CCDC7: variants seen among roughly 807,000 people sequenced by gnomAD.
CCDC7 encodes the protein coiled-coil domain-containing protein 7.
In CCDC7, 183 loss-of-function variants were observed where a neutral mutation model predicts 196.9. The ratio of observed to expected loss-of-function variants is 0.93; its 90% CI spans 0.82 to 1.05. The LOEUF (loss-of-function observed/expected upper bound fraction) is 1.05, where lower values mean the gene tolerates loss of function less well. Among genes scored for constraint, CCDC7 ranks in the 50% least tolerant of loss-of-function variants. The pLI, the probability that CCDC7 is intolerant of heterozygous loss-of-function variation, is 0.00. For missense variants in CCDC7, 1,540 were observed against 1,482.2 expected (o/e 1.04, Z -0.64); for synonymous variants, 525 against 484.6 (o/e 1.08, Z -1.10).
In CCDC7 at chr10:32,814,435, C is replaced by T. The variant is rs140481991; in HGVS notation, c.3163C>T (p.Arg1055Ter). The T allele has an allele frequency of 7.6e-5, 123 of 1,609,958 alleles. No homozygotes were observed. The highest frequency in any genetic ancestry group is 1.6e-4 in the Middle Eastern group (1 of 6,078). The change falls in exon 31 of 42, where the codon CGA (arginine) becomes TGA (stop). Residue 1055 changes from arginine to a stop codon, truncating the protein, a stop_gained. Coordinates refer to ENST00000639629, the Ensembl canonical transcript of CCDC7. LOFTEE classifies it high-confidence loss of function. ...TATACTAAAGGATGAATTCAAGACA[C>T]GATCAAAGAGTCTCCCTGGTAAGAA...
intron 20 of CCDC7, among the ~76,000 whole-genome samples, chr10:32,638,499 T>A (rs1362121862): frequency 1.3e-5 from 2 of 152,236 alleles, no homozygotes; most frequent in Non-Finnish European, 2.9e-5. Flanking sequence ...ATGTGGTTTT[T>A]GTCTTTGGTT....
intron 11 of CCDC7, among the ~76,000 whole-genome samples, chr10:32,520,400 T>C (rs964960962): frequency 6.6e-6 from 1 of 152,138 alleles, no homozygotes; most frequent in Admixed American, 6.6e-5. Flanking sequence ...GGCTCTTGAA[T>C]AAAAGTCATT....
upstream of CCDC7, among the ~76,000 whole-genome samples, chr10:32,444,872 T>A (rs1157772126): frequency 6.6e-6 from 1 of 151,300 alleles, no homozygotes; most frequent in Non-Finnish European, 1.5e-5. Context: ...TTTTCTTTTT[T>A]AGATGGAGTC....
intron 2 of CCDC7, among the ~76,000 whole-genome samples, chr10:32,454,521 G>C (rs1451910640): frequency 6.6e-6 from 1 of 151,394 alleles, no homozygotes; most frequent in African/African-American, 2.4e-5. Flanking sequence ...TCAGCATCAC[G>C]CAGTATATCC....
At chr10:32,815,865 G>C (rs1335237183) in intron 31 of CCDC7, among the ~76,000 whole-genome samples, 1 of 152,200 alleles carries the variant, frequency 6.6e-6, no homozygotes, top group Admixed American at 6.5e-5. Flanking sequence ...TGAAAGAGCG[G>C]TGGAGCCAAG....
intron 18 of CCDC7, among the ~76,000 whole-genome samples, chr10:32,631,406 A>G (rs1590834480): frequency 6.6e-6 from 1 of 152,126 alleles, no homozygotes; most frequent in South Asian, 2.1e-4. Flanking sequence ...TGAAAATACT[A>G]TTTTCTCCCC....
chr10:32,471,346 A>G (rs2037908985), intron 6 of CCDC7, 116 bp downstream of exon 7: 1 of 1,249,412 alleles, frequency 8.0e-7, no homozygotes, highest in African/African-American at 1.6e-5. Context: ...TTCTTAGTCA[A>G]ATCAGGTCTA....
At chr10:32,629,458 A>T (rs1338931186) in intron 18 of CCDC7, among the ~76,000 whole-genome samples, 1 of 152,056 alleles carries the variant, frequency 6.6e-6, no homozygotes, top group Non-Finnish European at 1.5e-5. Context: ...GAGTCAGTTT[A>T]TTGGGTGAAG....
chr10:32,688,382 C>G (rs1475060080), intron 22 of CCDC7, among the ~76,000 whole-genome samples: 4 of 152,172 alleles, frequency 2.6e-5, no homozygotes, highest in Non-Finnish European at 4.4e-5. Flanking sequence ...ACTCAGCAAG[C>G]AGTGTTTGCA....
chr10:32,675,272 C>T (rs1031725535), intron 21 of CCDC7, among the ~76,000 whole-genome samples: 10 of 142,378 alleles, frequency 7.0e-5, no homozygotes, highest in African/African-American at 2.2e-4. Flanking sequence ...TTTTTCTTTA[C>T]GATTACCATG....
chr10:32,836,849 G>T (rs1213317359), intron 33 of CCDC7, among the ~76,000 whole-genome samples: 3 of 152,082 alleles, frequency 2.0e-5, no homozygotes, highest in African/African-American at 7.2e-5. Flanking sequence ...AACAAATGGT[G>T]CTGGGAAAAC....
At chr10:32,512,888 G>T (rs2046436073) in intron 9 of CCDC7, 1 of 152,134 alleles carries the variant, frequency 6.6e-6, no homozygotes, top group Non-Finnish European at 1.5e-5. Flanking sequence ...ACAAAGCCAT[G>T]ACTTTTTTGT....
At chr10:32,534,221 T>C (rs975855184) in intron 11 of CCDC7, among the ~76,000 whole-genome samples, 3 of 152,230 alleles carry the variant, frequency 2.0e-5, no homozygotes, top group African/African-American at 4.8e-5. Flanking sequence ...TCAGCAAATG[T>C]ATTTCTCAGT....
intron 39 of CCDC7, among the ~76,000 whole-genome samples, chr10:32,850,194 C>T (rs1448627120): frequency 6.6e-6 from 1 of 152,176 alleles, no homozygotes; most frequent in Non-Finnish European, 1.5e-5. Context: ...CAGATTTCCT[C>T]TATCTAGCCT....
intron 18 of CCDC7, among the ~76,000 whole-genome samples, chr10:32,595,361 G>A (rs1038352877): frequency 6.6e-6 from 1 of 152,126 alleles, no homozygotes; most frequent in Non-Finnish European, 1.5e-5. Flanking sequence ...ATTCTCTGAT[G>A]GTAGTTTGTA....
At chr10:32,764,289 T>C (rs1167848912) in intron 28 of CCDC7, among the ~76,000 whole-genome samples, 1 of 150,686 alleles carries the variant, frequency 6.6e-6, no homozygotes, top group Non-Finnish European at 1.5e-5. Flanking sequence ...AAAGTATGGC[T>C]CATGAGAAGG....
intron 22 of CCDC7, among the ~76,000 whole-genome samples, chr10:32,687,721 G>A (rs1001226643): frequency 6.6e-6 from 1 of 152,118 alleles, no homozygotes; most frequent in Non-Finnish European, 1.5e-5. Context: ...AAATAGGGAC[G>A]TTGGTCTAAC....
At chr10:32,836,893 C>A (rs887793075) in intron 33 of CCDC7, among the ~76,000 whole-genome samples, 13 of 152,068 alleles carry the variant, frequency 8.5e-5, no homozygotes, top group African/African-American at 3.1e-4. Flanking sequence ...GAAACTGGAT[C>A]CCTTCCTTAC....
At chr10:32,828,485 G>GGAAGAGGAAGAAGAAGAAGAA (rs2091618916) in intron 32 of CCDC7, among the ~76,000 whole-genome samples, 2 of 49,750 alleles carry the variant, frequency 4.0e-5, no homozygotes, top group African/African-American at 6.2e-5. Context: ...AAGAGGAAGA[G>GGAAGAGGAAGAAGAAGAAGAA]GAAGAAGAAG....
Sources: allele counts gnomAD v4.1 joint callset (sites outside exome capture counted in the v4.1 genomes callset), GRCh38; gene constraint gnomAD v4.1.1; transcripts MANE v1.5; gene names NCBI Gene and HGNC (gene_info 2026-07-23, HGNC 2026-07-21).